The following FIP1L1 variants were observed in gnomAD, a reference collection of about 807,000 sequenced individuals.
The protein encoded by FIP1L1 is pre-mRNA 3'-end-processing factor FIP1.
In FIP1L1, 21 loss-of-function variants were observed where a neutral mutation model predicts 84.6. That is an observed-to-expected ratio of 0.25 (90% CI 0.18 to 0.36). The LOEUF is 0.36. Among genes scored for constraint, FIP1L1 ranks in the 10% least tolerant of loss-of-function variants. The pLI is 1.00. For missense variants in FIP1L1, 526 were observed against 751.1 expected (o/e 0.70, Z 3.50); for synonymous variants, 263 against 242.3 (o/e 1.09, Z -0.80).
chr4:53,451,498 C>T (rs1221862982), intron 15 of FIP1L1, among the ~76,000 whole-genome samples: 1 of 151,406 alleles, frequency 6.6e-6, no homozygotes, highest in Non-Finnish European at 1.5e-5. Context: ...GTCAAGTCGT[C>T]TTGAATTGAC....
intron 9 of FIP1L1, among the ~76,000 whole-genome samples, chr4:53,392,919 C>T (rs1157548128): frequency 1.3e-5 from 2 of 152,034 alleles, no homozygotes; most frequent in Non-Finnish European, 2.9e-5. Context: ...GGTTTTCTTG[C>T]CTTGATAGTG....
At chr4:53,432,939 A>G (rs1767418497) in intron 13 of FIP1L1, among the ~76,000 whole-genome samples, 1 of 151,886 alleles carries the variant, frequency 6.6e-6, no homozygotes, top group Non-Finnish European at 1.5e-5. Context: ...GTGGGTAGGG[A>G]AGTTAGGGAG....
rs1439580510 is a variant in FIP1L1, at chr4:53,450,675, A to T, written c.1286-2245A>T. On this transcript the variant is annotated intron_variant, in intron 15 of 17. Coordinates refer to ENST00000337488, the MANE Select transcript of FIP1L1 (RefSeq NM_030917.4). Reference sequence around the variant, plus strand: ...GTGACAGCAAGACCTCATCTCTTAAAACAAAAAGAAACCACTTCTGTATTT... The same window carrying T: ...GTGACAGCAAGACCTCATCTCTTAATACAAAAAGAAACCACTTCTGTATTT... 4.0e-5 allele frequency among the ~76,000 whole-genome samples: 6 copies of T among 151,558 alleles called. No homozygotes were observed. The East Asian group carries it at 1.2e-3, about 29-fold the overall frequency.
chr4:53,391,732 G>C (rs1407418596), intron 9 of FIP1L1, among the ~76,000 whole-genome samples: 1 of 152,116 alleles, frequency 6.6e-6, no homozygotes, highest in Non-Finnish European at 1.5e-5. Flanking sequence ...TTTGCTATAT[G>C]TTGTGATTTC....
chr4:53,416,683 G>C (rs1163150687), intron 11 of FIP1L1, among the ~76,000 whole-genome samples: 6 of 152,160 alleles, frequency 3.9e-5, no homozygotes, highest in Non-Finnish European at 8.8e-5. Context: ...ACTTAAAATA[G>C]GCCAGGTGTG....
At chr4:53,427,780 A>G (rs1403968154) in intron 12 of FIP1L1, among the ~76,000 whole-genome samples, 1 of 152,114 alleles carries the variant, frequency 6.6e-6, no homozygotes, top group Non-Finnish European at 1.5e-5. Context: ...ATTTTTGGTA[A>G]TGATCCAGTT....
intron 10 of FIP1L1, among the ~76,000 whole-genome samples, chr4:53,410,453 G>A (rs1281477938): frequency 6.6e-6 from 1 of 152,114 alleles, no homozygotes; most frequent in Non-Finnish European, 1.5e-5. Context: ...AAAACTTCTG[G>A]AACTACCACT....
chr4:53,444,291 G>C (rs1238235419), intron 15 of FIP1L1, among the ~76,000 whole-genome samples, 188 bp downstream of exon 15: 4 of 152,188 alleles, frequency 2.6e-5, no homozygotes, highest in African/African-American at 9.7e-5. Context: ...TTTATCAACT[G>C]TGCTTTTAAA....
rs368403885 is a variant in FIP1L1, at chr4:53,437,595, G to A, written c.1175-5058G>A. Among the ~76,000 whole-genome samples the A allele has an allele frequency of 1.5e-4, 23 of 152,116 alleles. No individual in the cohort carries two copies. In the East Asian group the frequency reaches 2.5e-3, roughly 17 times the overall value. On this transcript the variant is annotated intron_variant, in intron 13 of 17. Transcript: ENST00000337488. Reference sequence around the variant, plus strand: ...AATTTAGGGGAATGTAGGTTTTCTGGTCCCACCCCAGACTTACTGAATCAG... The same window carrying A: ...AATTTAGGGGAATGTAGGTTTTCTGATCCCACCCCAGACTTACTGAATCAG...
At chr4:53,425,779 G>T in intron 11 of FIP1L1, 93 bp from the exon 12 acceptor site, 2 of 851,382 alleles carry the variant, frequency 2.3e-6, no homozygotes, top group Non-Finnish European at 3.7e-6. Flanking sequence ...AAAATTTATT[G>T]CAAACACATT....
chr4:53,391,235 A>T, intron 8 of FIP1L1, 96 bp downstream of exon 8: 1 of 1,373,770 alleles, frequency 7.3e-7, no homozygotes, highest in Admixed American at 2.2e-5. Context: ...GTTAAATGCT[A>T]TATGATAGTT....
At chr4:53,452,331 C>CT (rs960230852) in intron 15 of FIP1L1, among the ~76,000 whole-genome samples, 5 of 139,514 alleles carry the variant, frequency 3.6e-5, no homozygotes, top group African/African-American at 1.3e-4. Flanking sequence ...TTTTTTTTTT[C>CT]TTTTTTTGAG....
intron 10 of FIP1L1, among the ~76,000 whole-genome samples, chr4:53,407,170 C>T (rs1754054602): frequency 6.6e-6 from 1 of 152,118 alleles, no homozygotes; most frequent in African/African-American, 2.4e-5. Context: ...TCCGTCTACA[C>T]ACTGCTTTGA....
chr4:53,458,746 A>G lies in FIP1L1; in HGVS notation c.1593A>G (p.Arg531=). Residue 531 remains arginine, a synonymous_variant, in exon 17 of 18, where the codon AGA becomes AGG. Coordinates refer to ENST00000337488, the MANE Select transcript of FIP1L1 (RefSeq NM_030917.4). ...AAAAAGAAGAACGACATAGAGAAAG[A>G]CGACACAGGGAGAAAGAGGAAACCA... ...SREKEERHRE[R]RHREKEETRH... 6.2e-7 allele frequency: 1 copy of G among 1,613,132 alleles called. No individual in the cohort carries two copies. The highest frequency in any genetic ancestry group is 8.5e-7 in the Non-Finnish European group (1 of 1,179,424).
intron 10 of FIP1L1, among the ~76,000 whole-genome samples, chr4:53,412,477 G>C (rs553699550): frequency 1.2e-4 from 19 of 152,140 alleles, no homozygotes; most frequent in African/African-American, 4.6e-4. Context: ...ATCTGGATCA[G>C]CTTCTTAGCT....
intron 10 of FIP1L1, among the ~76,000 whole-genome samples, chr4:53,402,138 T>C (rs1427005031): frequency 6.6e-6 from 1 of 152,162 alleles, no homozygotes; most frequent in African/African-American, 2.4e-5. Flanking sequence ...CTAAATCCAA[T>C]TGATTGGTCA....
intron 16 of FIP1L1, among the ~76,000 whole-genome samples, chr4:53,455,695 A>T (rs1718541756): frequency 6.6e-6 from 1 of 152,088 alleles, no homozygotes; most frequent in Non-Finnish European, 1.5e-5. Flanking sequence ...GTGCAAAAAA[A>T]ATTGATATCG....
At chr4:53,444,926 G>A (rs557973767) in intron 15 of FIP1L1, among the ~76,000 whole-genome samples, 54 of 152,216 alleles carry the variant, frequency 3.5e-4, no homozygotes, top group African/African-American at 1.3e-3. Context: ...CCTCATAAAA[G>A]TTATAGGCTT....
chr4:53,396,023 A>G (rs1270067482), intron 9 of FIP1L1, among the ~76,000 whole-genome samples: 5 of 151,378 alleles, frequency 3.3e-5, no homozygotes, highest in African/African-American at 1.2e-4. Flanking sequence ...GGTTCAAGTG[A>G]TTCTCCTGCC....
Sources: allele counts gnomAD v4.1 joint callset (sites outside exome capture counted in the v4.1 genomes callset), GRCh38; gene constraint gnomAD v4.1.1; transcripts MANE v1.5; gene names NCBI Gene and HGNC (gene_info 2026-07-23, HGNC 2026-07-21).